FA2H: variants seen among roughly 807,000 people sequenced by gnomAD.
FA2H encodes the protein fatty acid 2-hydroxylase.
FA2H carries 22 observed loss-of-function variants against 44.9 expected under a neutral mutation model. The ratio of observed to expected loss-of-function variants is 0.49; its 90% CI spans 0.35 to 0.70. FA2H has a LOEUF of 0.70. Among genes scored for constraint, FA2H ranks in the 30% least tolerant of loss-of-function variants. FA2H has a pLI of 0.01. For missense variants in FA2H, 501 were observed against 504.9 expected (o/e 0.99, Z 0.07); for synonymous variants, 243 against 213.2 (o/e 1.14, Z -1.22).
At position 74,714,159 on chromosome 16, in the gene FA2H, G is replaced by C. The variant is rs1460058499; in HGVS notation, c.*31C>G. On this transcript the variant is annotated 3_prime_UTR_variant, in exon 7 of 7. Coordinates refer to ENST00000219368, the MANE Select transcript of FA2H (RefSeq NM_024306.5). ...GGGGTCGGGAAGGGGCCAGGGCCGGGCTGAGGGCAGGACGGAGGGGGTGGG... is the reference window on the plus strand; with the variant it reads ...GGGGTCGGGAAGGGGCCAGGGCCGGCCTGAGGGCAGGACGGAGGGGGTGGG... 1.4e-6 allele frequency: 2 copies of C among 1,453,804 alleles called. No homozygotes were observed. The highest frequency in any genetic ancestry group is 1.9e-6 in the Non-Finnish European group (2 of 1,058,476). 90.1% of individuals were successfully genotyped at this position (1,453,804 alleles called of 1,614,324 possible).
rs2074629 is a variant in FA2H, at chr16:74,719,181, C to T, written c.614-21G>A. On this transcript the variant is annotated intron_variant, in intron 4 of 6. Transcript: ENST00000219368. ...GTACTCTGCAGGGTGGCAGGGAGAG[C>T]GAGGTGAGGACCGGTGCATAGCAGC... 0.25 allele frequency: 406,706 copies of T among 1,607,106 alleles called. 54,322 individuals are homozygous for T. The highest frequency in any genetic ancestry group is 0.4 in the African/African-American group (29,798 of 74,828).
chr16:74,770,753 G>A (rs1436042348), intron 1 of FA2H, among the ~76,000 whole-genome samples: 1 of 152,234 alleles, frequency 6.6e-6, no homozygotes, highest in Non-Finnish European at 1.5e-5. Flanking sequence ...CCCAGTGGAG[G>A]GCTGGGCTAG....
chr16:74,732,981 C>A (rs1382647061), intron 2 of FA2H, among the ~76,000 whole-genome samples: 1 of 152,232 alleles, frequency 6.6e-6, no homozygotes, highest in East Asian at 1.9e-4. Flanking sequence ...ATTTCAGTTA[C>A]TCCCTGGGTA....
chr16:74,728,542 C>G (rs1962002728), intron 2 of FA2H, among the ~76,000 whole-genome samples: 1 of 152,048 alleles, frequency 6.6e-6, no homozygotes, highest in Non-Finnish European at 1.5e-5. Context: ...TTTCTGGCAC[C>G]TTAACAGTGC....
chr16:74,749,571 G>A (rs1174072055), intron 1 of FA2H, among the ~76,000 whole-genome samples: 1 of 152,202 alleles, frequency 6.6e-6, no homozygotes. Context: ...ACCCAGCATT[G>A]CTTCTGCTCG....
intron 2 of FA2H, among the ~76,000 whole-genome samples, chr16:74,729,856 T>A (rs1446759585): frequency 1.3e-5 from 2 of 151,962 alleles, no homozygotes; most frequent in African/African-American, 4.8e-5. Context: ...GGTGTCTCGG[T>A]GGATGCTCAG....
chr16:74,724,824 C>A (rs929586742), intron 4 of FA2H, among the ~76,000 whole-genome samples: 1 of 152,164 alleles, frequency 6.6e-6, no homozygotes, highest in Non-Finnish European at 1.5e-5. Flanking sequence ...TCCTATAGGT[C>A]AAGCCTCTGC....
intron 1 of FA2H, among the ~76,000 whole-genome samples, chr16:74,756,536 A>G (rs1962615921): frequency 6.6e-6 from 1 of 152,160 alleles, no homozygotes; most frequent in East Asian, 1.9e-4. Flanking sequence ...GACAGGCTCC[A>G]GAATCACTCC....
At chr16:74,745,121 C>T (rs1962394083) in intron 1 of FA2H, among the ~76,000 whole-genome samples, 1 of 152,190 alleles carries the variant, frequency 6.6e-6, no homozygotes, top group Non-Finnish European at 1.5e-5. Context: ...ATCCCAGTCC[C>T]TCCAGGCCTC....
At chr16:74,741,773 AATATATAT>A (rs57773726) in intron 1 of FA2H, among the ~76,000 whole-genome samples, 770 of 48,070 alleles carry the variant, frequency 0.016, 26 homozygotes, top group African/African-American at 0.058. Flanking sequence ...CACCTGATTA[AATATATAT>A]ATATATATAT....
intron 1 of FA2H, among the ~76,000 whole-genome samples, chr16:74,769,510 A>C (rs913193338): frequency 6.6e-6 from 1 of 152,344 alleles, no homozygotes; most frequent in African/African-American, 2.4e-5. Context: ...ACATTATGAC[A>C]GTTCAAGTGG....
At chr16:74,741,829 T>TGTG (rs1306244978) in intron 1 of FA2H, among the ~76,000 whole-genome samples, 1 of 90,276 alleles carries the variant, frequency 1.1e-5, no homozygotes, top group Non-Finnish European at 2.4e-5. Context: ...TGTGTGTGTG[T>TGTG]GTGTGTGTAT....
intron 1 of FA2H, among the ~76,000 whole-genome samples, chr16:74,745,726 G>A (rs1962408261): frequency 6.6e-6 from 1 of 151,840 alleles, no homozygotes; most frequent in South Asian, 2.1e-4. Flanking sequence ...GCCAATTCCT[G>A]GCTCATCACC....
At chr16:74,723,397 C>A (rs1213102307) in intron 4 of FA2H, among the ~76,000 whole-genome samples, 1 of 141,626 alleles carries the variant, frequency 7.1e-6, no homozygotes, top group African/African-American at 2.6e-5. Flanking sequence ...CTTCCTCTCC[C>A]ACATGCTGAC....
intron 1 of FA2H, among the ~76,000 whole-genome samples, chr16:74,763,888 T>C (rs1289573004): frequency 6.6e-6 from 1 of 152,262 alleles, no homozygotes; most frequent in African/African-American, 2.4e-5. Context: ...ACTTCAAATA[T>C]GTTAAAGCAA....
intron 2 of FA2H, among the ~76,000 whole-genome samples, chr16:74,729,896 C>T (rs1962040124): frequency 6.6e-6 from 1 of 152,012 alleles, no homozygotes; most frequent in African/African-American, 2.4e-5. Flanking sequence ...GTCAGGCAGC[C>T]ACTGCAGGTG....
intron 1 of FA2H, among the ~76,000 whole-genome samples, chr16:74,768,841 G>A (rs965453031): frequency 6.6e-6 from 1 of 152,036 alleles, no homozygotes; most frequent in Non-Finnish European, 1.5e-5. Flanking sequence ...GACAAGCCCT[G>A]TGGAATTAAA....
intron 5 of FA2H, among the ~76,000 whole-genome samples, chr16:74,717,436 TGAGGGAGGGGGAAATAAAGG>T (rs1324048006): frequency 1.3e-5 from 2 of 151,844 alleles, no homozygotes; most frequent in African/African-American, 2.4e-5. Context: ...AGCTGGGGAA[TGAGGGAGGGGGAAATAAAGG>T]GAGGGAGGGA....
At chr16:74,772,468 T>C (rs1279622120) in intron 1 of FA2H, among the ~76,000 whole-genome samples, 1 of 152,214 alleles carries the variant, frequency 6.6e-6, no homozygotes, top group Non-Finnish European at 1.5e-5. Context: ...AGGAACCGAA[T>C]TCGTTTTGTT....
Sources: gnomAD v4.1 joint callset for allele counts (sites outside exome capture counted in the v4.1 genomes callset) on GRCh38, gnomAD v4.1.1 for gene constraint, MANE v1.5 for transcripts, NCBI Gene and HGNC (gene_info 2026-07-23, HGNC 2026-07-21) for gene names.